LSAMP: variants seen among roughly 807,000 people sequenced by gnomAD.
LSAMP encodes limbic system associated membrane protein.
Under a neutral mutation model 38.6 loss-of-function variants are expected in LSAMP, and 7 were observed. That is an observed-to-expected ratio of 0.18 (90% CI 0.10 to 0.34). The LOEUF is 0.34. LSAMP is among the 10% of genes least tolerant of loss of function. LSAMP has a pLI of 1.00. For missense variants in LSAMP, 313 were observed against 420.0 expected (o/e 0.75, Z 2.23); for synonymous variants, 154 against 166.8 (o/e 0.92, Z 0.59).
At chr3:116,217,927 A>C (rs2046239951) in intron 1 of LSAMP, among the ~76,000 whole-genome samples, 1 of 152,146 alleles carries the variant, frequency 6.6e-6, no homozygotes, top group Admixed American at 6.6e-5. Context: ...AAATTTGAGG[A>C]AGGCTTTTAT....
At chr3:115,971,298 A>G (rs925819532) in intron 3 of LSAMP, among the ~76,000 whole-genome samples, 1 of 152,228 alleles carries the variant, frequency 6.6e-6, no homozygotes, top group Non-Finnish European at 1.5e-5. Flanking sequence ...AAAGTTTCAT[A>G]ATAAAACAGA....
At chr3:116,307,733 G>A (rs1345454969) in intron 1 of LSAMP, among the ~76,000 whole-genome samples, 1 of 151,822 alleles carries the variant, frequency 6.6e-6, no homozygotes, top group Non-Finnish European at 1.5e-5. Context: ...AGCATTTAGA[G>A]AGAATTTTAA....
intron 3 of LSAMP, among the ~76,000 whole-genome samples, chr3:115,972,542 T>C (rs532717141): frequency 1.1e-4 from 17 of 151,822 alleles, no homozygotes; most frequent in Admixed American, 3.3e-4. Context: ...GGGAATAAAC[T>C]CTCCTTTATT....
At chr3:115,947,355 C>T (rs996763840) in intron 3 of LSAMP, among the ~76,000 whole-genome samples, 1 of 151,978 alleles carries the variant, frequency 6.6e-6, no homozygotes, top group Non-Finnish European at 1.5e-5. Flanking sequence ...ACTAAAACTC[C>T]CATGATTTGC....
intron 2 of LSAMP, among the ~76,000 whole-genome samples, chr3:116,066,550 T>C (rs992563484): frequency 2.0e-5 from 3 of 152,234 alleles, no homozygotes; most frequent in Admixed American, 6.5e-5. Flanking sequence ...CTCATTAGAA[T>C]TCTAACCTGG....
chr3:115,947,636 AT>A (rs1200590050), intron 3 of LSAMP, among the ~76,000 whole-genome samples: 1 of 152,170 alleles, frequency 6.6e-6, no homozygotes, highest in Non-Finnish European at 1.5e-5. Flanking sequence ...AGATTATGAG[AT>A]TTTTTATTTT....
Position 116,161,774 on chromosome 3 carries a change from GTTC to G in LSAMP, c.156-75221_156-75219del, listed in dbSNP as rs1473849973. ...ATGCACCAAAAAAGATGACACAGCA[GTTC>G]TTCTTCCAAAAAAAAGTTGGATTCC... On this transcript the variant is annotated intron_variant, in intron 1 of 6. Transcript: ENST00000490035. Among the ~76,000 whole-genome samples the G allele has an allele frequency of 2.6e-5, 4 of 152,208 alleles. No individual in the cohort carries two copies. The South Asian group carries it at 6.2e-4, about 24-fold the overall frequency.
chr3:115,908,071 A>C (rs188200910), intron 3 of LSAMP, among the ~76,000 whole-genome samples: 378 of 150,176 alleles, frequency 2.5e-3, no homozygotes, highest in African/African-American at 8.7e-3. Context: ...TTGACCATAC[A>C]GGGAAGATAA....
Position 115,854,330 on chromosome 3 carries a change from C to T in LSAMP, c.515-1713G>A, listed in dbSNP as rs1379250333. 5.7e-5 allele frequency among the ~76,000 whole-genome samples: 8 copies of T among 141,138 alleles called. 1 individual carries two copies. The South Asian group carries it at 8.8e-4, about 16-fold the overall frequency. 92.6% of individuals were successfully genotyped at this position (141,138 alleles called of 152,430 possible). ...TGGAGTCCCGCTCTTTAGCCTAGGC[C>T]GGATTGCAGTGGCACAATCTCGGCT... On this transcript the variant is annotated intron_variant, in intron 3 of 6. Transcript: ENST00000490035.
At chr3:116,029,745 A>G (rs1312587904) in intron 2 of LSAMP, among the ~76,000 whole-genome samples, 1 of 152,104 alleles carries the variant, frequency 6.6e-6, no homozygotes, top group Non-Finnish European at 1.5e-5. Flanking sequence ...ACAAGTAACT[A>G]AAAGTTAGTG....
intron 1 of LSAMP, among the ~76,000 whole-genome samples, chr3:116,237,899 G>C (rs1399295872): frequency 6.6e-6 from 1 of 152,152 alleles, no homozygotes; most frequent in African/African-American, 2.4e-5. Context: ...AATCTCTTGA[G>C]CAGAATTTTC....
chr3:116,245,600 C>G (rs1052766058), intron 1 of LSAMP, among the ~76,000 whole-genome samples: 1 of 152,074 alleles, frequency 6.6e-6, no homozygotes, highest in Non-Finnish European at 1.5e-5. Flanking sequence ...TTTTCATGAC[C>G]CTGCATCCTA....
intron 3 of LSAMP, among the ~76,000 whole-genome samples, chr3:115,910,460 T>C (rs1050154613): frequency 2.0e-5 from 3 of 152,180 alleles, no homozygotes; most frequent in African/African-American, 7.2e-5. Flanking sequence ...GATTTTTTAA[T>C]TAAATTTTTC....
intron 1 of LSAMP, among the ~76,000 whole-genome samples, chr3:116,181,506 G>T (rs1348320293): frequency 6.6e-6 from 1 of 151,914 alleles, no homozygotes; most frequent in Non-Finnish European, 1.5e-5. Flanking sequence ...TAATGACTTA[G>T]GACATCCAAA....
At chr3:116,213,766 G>A (rs568732803) in intron 1 of LSAMP, among the ~76,000 whole-genome samples, 27 of 152,300 alleles carry the variant, frequency 1.8e-4, no homozygotes, top group African/African-American at 6.5e-4. Context: ...AACATGAATG[G>A]ATCTTGAGGA....
intron 1 of LSAMP, among the ~76,000 whole-genome samples, chr3:116,276,682 AAG>A (rs2047057214): frequency 2.0e-5 from 3 of 148,872 alleles, no homozygotes; most frequent in African/African-American, 5.1e-5. Flanking sequence ...AATAAAAAAA[AAG>A]AAAAAAAAAA....
At chr3:116,023,040 T>C (rs1404089345) in intron 2 of LSAMP, among the ~76,000 whole-genome samples, 1 of 152,168 alleles carries the variant, frequency 6.6e-6, no homozygotes, top group Non-Finnish European at 1.5e-5. Context: ...CCTCATGTTC[T>C]GTTGTTTATG....
intron 1 of LSAMP, among the ~76,000 whole-genome samples, chr3:116,132,112 G>A (rs538699628): frequency 1.3e-5 from 2 of 152,174 alleles, no homozygotes; most frequent in South Asian, 2.1e-4. Flanking sequence ...ATGGGCATGA[G>A]CCACCGTGCC....
At chr3:116,095,291 C>T (rs1708203549) in intron 1 of LSAMP, among the ~76,000 whole-genome samples, 1 of 152,214 alleles carries the variant, frequency 6.6e-6, no homozygotes. Context: ...CCCAGACAAG[C>T]TGCGCAATTT....
Sources: gnomAD v4.1 joint callset for allele counts (sites outside exome capture counted in the v4.1 genomes callset) on GRCh38, gnomAD v4.1.1 for gene constraint, MANE v1.5 for transcripts, NCBI Gene and HGNC (gene_info 2026-07-23, HGNC 2026-07-21) for gene names.